AKR1C4: variants seen among roughly 807,000 people sequenced by gnomAD.
AKR1C4 encodes 3-alpha-HSD1.
In AKR1C4, 44 loss-of-function variants were observed where a neutral mutation model predicts 41.0. The observed-to-expected ratio is 1.07, with a 90% CI of 0.84 to 1.38. The LOEUF (loss-of-function observed/expected upper bound fraction) is 1.38, where lower values mean the gene tolerates loss of function less well. Among genes scored for constraint, AKR1C4 ranks in the 40% most tolerant of loss-of-function variants. AKR1C4 has a pLI of 0.00. For synonymous variants in AKR1C4, 165 were observed against 137.7 expected (o/e 1.20, Z -1.39); for missense variants, 438 against 387.9 (o/e 1.13, Z -1.09).
chr10:5,216,787 T>A lies in AKR1C4; in HGVS notation c.923T>A (p.Met308Lys), dbSNP rs376557968. The stretch of plus-strand genomic sequence containing the variant: ...AACAGAAATTATCGATATGTTGTCA[T>A]GGATTTGTAAGTAACTTTGGAAAAT... Reference protein sequence around the residue: ...GLNRNYRYVVMDFLMDHPDYP... With the variant: ...GLNRNYRYVVKDFLMDHPDYP... The change falls in exon 8 of 9, where the codon ATG becomes AAG. Residue 308 changes from methionine to lysine, a missense_variant. By Grantham distance (95) the Met-to-Lys change is moderately conservative (BLOSUM62 -1). Coordinates refer to ENST00000263126, the MANE Select transcript of AKR1C4 (RefSeq NM_001818.5). The A allele has an allele frequency of 9.2e-5, 147 of 1,606,528 alleles. No homozygotes were observed. The highest frequency in any genetic ancestry group is 6.3e-4 in the African/African-American group (47 of 74,884).
At chr10:5,205,956 A>G (rs1832477880) in intron 4 of AKR1C4, 122 bp downstream of exon 4, 2 of 1,132,198 alleles carry the variant, frequency 1.8e-6, no homozygotes, top group Non-Finnish European at 2.5e-6. Context: ...AGCTTGACAA[A>G]GGAAGTTTTG....
intron 1 of AKR1C4, 40 bp from the exon 2 acceptor site, chr10:5,200,141 C>A (rs1554796732): frequency 6.3e-7 from 1 of 1,587,714 alleles, no homozygotes; most frequent in African/African-American, 1.3e-5. Context: ...ACCTCTCAAG[C>A]ACATTGATCA....
At chr10:5,210,606 ATTTTT>A (rs3039090) in intron 5 of AKR1C4, among the ~76,000 whole-genome samples, 12 of 144,820 alleles carry the variant, frequency 8.3e-5, no homozygotes, top group Admixed American at 2.0e-4. Context: ...CCAAACCTCA[ATTTTT>A]TTTTTTTTTT....
In AKR1C4 at chr10:5,204,726, T is replaced by C. The variant is rs1832458033; in HGVS notation, c.369+233T>C. The C allele has an allele frequency of 6.2e-6, 4 of 641,414 alleles. No individual in the cohort carries two copies. In the Admixed American group the frequency reaches 8.6e-5, roughly 14 times the overall value. 39.7% of individuals were successfully genotyped at this position (641,414 alleles called of 1,614,324 possible). A position where few individuals can be genotyped will look rare whatever the true frequency, so the allele number is the denominator to read the frequency against. On this transcript the variant is annotated intron_variant, in intron 3 of 8. Coordinates refer to ENST00000263126, the MANE Select transcript of AKR1C4 (RefSeq NM_001818.5). ...CCTCTGATTCAAAAATTCAAGAAAA[T>C]AACAACAGCCACCTTCAAGGCTCTG...
At chr10:5,213,285 G>T in intron 7 of AKR1C4, 126 bp downstream of exon 7, 2 of 1,409,776 alleles carry the variant, frequency 1.4e-6, no homozygotes, top group Non-Finnish European at 1.9e-6. Context: ...CAAATGCTTT[G>T]TGTGCATAAG....
In AKR1C4 at chr10:5,218,556, A is replaced by C. The variant is rs550503573; in HGVS notation, c.930-162A>C. Among the ~76,000 whole-genome samples the C allele has an allele frequency of 1.9e-4, 28 of 148,238 alleles. 1 individual carries two copies. The South Asian group carries it at 5.2e-3, about 28-fold the overall frequency. On this transcript the variant is annotated intron_variant, in intron 8 of 8. Coordinates refer to ENST00000263126, the MANE Select transcript of AKR1C4 (RefSeq NM_001818.5). Reference sequence around the variant, plus strand: ...TTTCTTATTTTGAAAAAAAAAAAAAACACATTATAAACTCATGTTCATGAA... The same window carrying C: ...TTTCTTATTTTGAAAAAAAAAAAAACCACATTATAAACTCATGTTCATGAA...
chr10:5,207,619 C>A, intron 5 of AKR1C4: 1 of 1,167,164 alleles, frequency 8.6e-7, no homozygotes, highest in Non-Finnish European at 1.2e-6. Flanking sequence ...AATGGTTGAA[C>A]TAAGCTCATC....
chr10:5,216,869 C>G (rs1554798577), intron 8 of AKR1C4, 76 bp downstream of exon 8: 4 of 1,027,414 alleles, frequency 3.9e-6, no homozygotes, highest in Non-Finnish European at 1.5e-6. Context: ...AAAGTGACCT[C>G]AATACCAGGG....
At chr10:5,205,964 T>C in intron 4 of AKR1C4, 130 bp downstream of exon 4, 8 of 1,043,782 alleles carry the variant, frequency 7.7e-6, no homozygotes, top group Non-Finnish European at 1.1e-5. Flanking sequence ...AAAGGAAGTT[T>C]TGCTGAGTGG....
At chr10:5,211,995 T>C (rs1554797967) in intron 5 of AKR1C4, among the ~76,000 whole-genome samples, 4 of 152,162 alleles carry the variant, frequency 2.6e-5, no homozygotes. Flanking sequence ...CCCATTCCCA[T>C]GATTCAATTA....
chr10:5,218,793 G>T lies in AKR1C4; in HGVS notation c.*33G>T. 6.3e-7 allele frequency: 1 copy of T among 1,582,566 alleles called. No homozygotes were observed. The highest frequency in any genetic ancestry group is 8.7e-7 in the Non-Finnish European group (1 of 1,151,682). ...GGTGTTGCACGACATCTAGCAGAAG[G>T]CCCTGTGTGTGGATGGTGATGCAGA... is the stretch of plus-strand genomic sequence containing the variant. On this transcript the variant is annotated 3_prime_UTR_variant, in exon 9 of 9. Coordinates refer to ENST00000263126, the MANE Select transcript of AKR1C4 (RefSeq NM_001818.5).
intron 7 of AKR1C4, 89 bp downstream of exon 7, chr10:5,213,248 G>A: frequency 6.5e-7 from 1 of 1,546,844 alleles, no homozygotes; most frequent in South Asian, 1.2e-5. Context: ...CTTGGACTAA[G>A]TCCACTTCCT....
chr10:5,201,988 C>G (rs1832406425), intron 2 of AKR1C4, among the ~76,000 whole-genome samples: 1 of 152,124 alleles, frequency 6.6e-6, no homozygotes, highest in South Asian at 2.1e-4. Context: ...CAGTACCATG[C>G]TGTTTGTATA....
At chr10:5,204,759 T>A in intron 3 of AKR1C4, 1 of 523,218 alleles carries the variant, frequency 1.9e-6, no homozygotes, top group South Asian at 1.8e-5. Context: ...CTGTCTTAAT[T>A]AGGGTTCCTG....
chr10:5,204,520 C>T, intron 3 of AKR1C4, 27 bp downstream of exon 3: 2 of 1,484,348 alleles, frequency 1.3e-6, no homozygotes, highest in Non-Finnish European at 1.9e-6. Flanking sequence ...ATCAACTTCT[C>T]TTCTGTTCTC....
intron 1 of AKR1C4, among the ~76,000 whole-genome samples, chr10:5,198,316 C>T (rs1832342666): frequency 6.6e-6 from 1 of 152,116 alleles, no homozygotes; most frequent in African/African-American, 2.4e-5. Context: ...GACTGCCACC[C>T]GTAGATGCGC....
intron 1 of AKR1C4, among the ~76,000 whole-genome samples, chr10:5,198,596 G>T (rs927488998): frequency 5.3e-5 from 8 of 152,182 alleles, no homozygotes; most frequent in African/African-American, 1.9e-4. Context: ...TGATGCTGGA[G>T]GAAGTCAGTG....
intron 7 of AKR1C4, among the ~76,000 whole-genome samples, chr10:5,214,767 A>G (rs78178760): frequency 0.039 from 5,962 of 151,254 alleles, 172 homozygotes; most frequent in Non-Finnish European, 0.06. Context: ...TGTTAAATTG[A>G]TGACATTTTT....
chr10:5,213,024 G>C lies in AKR1C4; in HGVS notation c.711G>C (p.Glu237Asp). 1 of 1,614,094 alleles carries C rather than the reference G, an allele frequency of 6.2e-7. No individual in the cohort carries two copies. Among genetic ancestry groups the C allele is most frequent in the Non-Finnish European group, 8.5e-7 (1 of 1,179,988 alleles). ...WVDPNSPVLLEDPVLCALAKK... is the reference protein window; with the variant it reads ...WVDPNSPVLLDDPVLCALAKK... Reference sequence around the variant, plus strand: ...ACCCAAACTCCCCAGTTCTTTTGGAGGACCCAGTTCTTTGTGCCTTAGCAA... The same window carrying C: ...ACCCAAACTCCCCAGTTCTTTTGGACGACCCAGTTCTTTGTGCCTTAGCAA... Residue 237 changes from glutamate (E) to aspartate (D), a missense_variant, in exon 7 of 9, where the codon GAG becomes GAC. Glu to Asp is a conservative substitution (Grantham distance 45). Transcript: ENST00000263126.
Sources: allele counts gnomAD v4.1 joint callset (sites outside exome capture counted in the v4.1 genomes callset), GRCh38; gene constraint gnomAD v4.1.1; transcripts MANE v1.5; gene names NCBI Gene and HGNC (gene_info 2026-07-23, HGNC 2026-07-21).